C16orf78: variants seen among roughly 807,000 people sequenced by gnomAD.
C16orf78 encodes the protein chromosome 16 open reading frame 78.
In C16orf78, 19 loss-of-function variants were observed where a neutral mutation model predicts 27.3. That is an observed-to-expected ratio of 0.70 (90% CI 0.49 to 1.02). The LOEUF (loss-of-function observed/expected upper bound fraction) is 1.02. Among genes scored for constraint, C16orf78 ranks in the 50% least tolerant of loss-of-function variants. C16orf78 has a pLI of 0.00. For synonymous variants in C16orf78, 130 were observed against 116.1 expected (o/e 1.12, Z -0.77); for missense variants, 339 against 337.0 (o/e 1.01, Z -0.05).
At chr16:49,377,513 C>T (rs1965233938) in intron 1 of C16orf78, among the ~76,000 whole-genome samples, 1 of 152,082 alleles carries the variant, frequency 6.6e-6, no homozygotes, top group Non-Finnish European at 1.5e-5. Context: ...GGAACAGGAC[C>T]AGGCCTGAGG....
chr16:49,380,137 T>G (rs774930596), intron 3 of C16orf78, among the ~76,000 whole-genome samples: 3 of 152,184 alleles, frequency 2.0e-5, no homozygotes, highest in Non-Finnish European at 4.4e-5. Flanking sequence ...GCTCTCGGGC[T>G]TTTGGCCACA....
intron 3 of C16orf78, among the ~76,000 whole-genome samples, chr16:49,389,010 G>T (rs976125274): frequency 6.6e-6 from 1 of 152,104 alleles, no homozygotes; most frequent in African/African-American, 2.4e-5. Context: ...ATATCTTCAC[G>T]TGCGTTTCTA....
chr16:49,387,498 G>A (rs902751641), intron 3 of C16orf78, among the ~76,000 whole-genome samples: 7 of 152,170 alleles, frequency 4.6e-5, no homozygotes, highest in Non-Finnish European at 1.0e-4. Flanking sequence ...GAACTGGCCT[G>A]ACATTTTCTT....
intron 1 of C16orf78, among the ~76,000 whole-genome samples, chr16:49,374,526 G>A (rs929192146): frequency 6.6e-6 from 1 of 152,212 alleles, no homozygotes; most frequent in African/African-American, 2.4e-5. Context: ...CTATCATCAG[G>A]AAGAAACCTG....
intron 3 of C16orf78, among the ~76,000 whole-genome samples, chr16:49,393,254 A>G (rs906324579): frequency 1.3e-5 from 2 of 152,196 alleles, no homozygotes; most frequent in Non-Finnish European, 2.9e-5. Context: ...TTCAGAACCA[A>G]ATAGAAGATC....
chr16:49,386,454 T>A (rs1015709501), intron 3 of C16orf78, among the ~76,000 whole-genome samples: 2 of 152,248 alleles, frequency 1.3e-5, no homozygotes, highest in Non-Finnish European at 2.9e-5. Context: ...CAAGTCATTT[T>A]TTTTTAAGTG....
At chr16:49,384,724 G>T (rs1275170270) in intron 3 of C16orf78, among the ~76,000 whole-genome samples, 1 of 151,990 alleles carries the variant, frequency 6.6e-6, no homozygotes, top group Non-Finnish European at 1.5e-5. Context: ...AACACAAAAA[G>T]GTCTGTACCA....
rs372064943 is a variant in C16orf78, at chr16:49,378,491, A to G, written c.292A>G (p.Lys98Glu). The change falls in exon 3 of 5, where the codon AAG becomes GAG. Residue 98 changes from lysine to glutamate, a missense_variant. Coordinates refer to ENST00000299191, the MANE Select transcript of C16orf78 (RefSeq NM_144602.4). ...SQQALGKRFR[K>E]DAASYRSLYG... ...CAAGGCCTTAGGAAAGAGATTCAGG[A>G]AGGACGCCGCCTCCTACCGAAGCCT... The G allele has an allele frequency of 3.1e-6, 5 of 1,593,356 alleles. No homozygotes were observed. In the African/African-American group the frequency reaches 5.4e-5, roughly 17 times the overall value.
intron 1 of C16orf78, 137 bp downstream of exon 1, chr16:49,374,226 C>A: frequency 9.7e-7 from 1 of 1,031,060 alleles, no homozygotes; most frequent in Non-Finnish European, 1.4e-6. Context: ...TGAGAACTAC[C>A]CAAGGACATT....
intron 3 of C16orf78, among the ~76,000 whole-genome samples, chr16:49,392,468 G>A (rs1049838401): frequency 2.0e-5 from 3 of 152,096 alleles, no homozygotes; most frequent in African/African-American, 7.2e-5. Context: ...AAAAGGAAAA[G>A]CAAAGAAACA....
intron 3 of C16orf78, among the ~76,000 whole-genome samples, chr16:49,384,339 A>C (rs1171507567): frequency 1.4e-5 from 2 of 142,084 alleles, no homozygotes; most frequent in East Asian, 4.1e-4. Flanking sequence ...CAAGAGCAAA[A>C]CTCCATCAAA....
rs546860439 is a variant in C16orf78 at position 49,396,465 on chromosome 16, G to C, written c.437G>C (p.Arg146Pro). 2.5e-6 allele frequency: 4 copies of C among 1,614,126 alleles called. No homozygotes were observed. The highest frequency in any genetic ancestry group is 3.4e-6 in the Non-Finnish European group (4 of 1,180,012). Reference protein sequence around the residue: ...KDAVDPESTQRPNPFRRQSIV... With the variant: ...KDAVDPESTQPPNPFRRQSIV... ...GCAGTCGACCCAGAGTCCACTCAGC[G>C]GCCAAACCCATTCCGTCGACAAAGC... The change falls in exon 4 of 5, where the codon CGG (arginine) becomes CCG (proline). Residue 146 changes from arginine to proline, a missense_variant. Physicochemically the swap from Arg to Pro is moderately radical, Grantham distance 103. Coordinates refer to ENST00000299191, the MANE Select transcript of C16orf78 (RefSeq NM_144602.4).
chr16:49,398,694 G>C (rs1042105865), intron 4 of C16orf78, among the ~76,000 whole-genome samples: 3 of 152,140 alleles, frequency 2.0e-5, no homozygotes, highest in African/African-American at 7.2e-5. Context: ...TCTAACTGTG[G>C]CCTTTTAATT....
intron 3 of C16orf78, among the ~76,000 whole-genome samples, chr16:49,393,564 T>C (rs1965439086): frequency 6.6e-6 from 1 of 152,120 alleles, no homozygotes; most frequent in Non-Finnish European, 1.5e-5. Flanking sequence ...GCCTGTTTCA[T>C]ACCAAAACCT....
intron 2 of C16orf78, among the ~76,000 whole-genome samples, chr16:49,378,142 G>A (rs868724621): frequency 2.0e-5 from 3 of 152,138 alleles, no homozygotes; most frequent in South Asian, 2.1e-4. Flanking sequence ...TGAGAACACC[G>A]TGGTTCAGTG....
At chr16:49,398,586 G>A (rs190398877) in intron 4 of C16orf78, among the ~76,000 whole-genome samples, 71 of 152,272 alleles carry the variant, frequency 4.7e-4, no homozygotes, top group African/African-American at 1.2e-3. Context: ...GTGTATGTGC[G>A]CATGACAGTG....
intron 3 of C16orf78, among the ~76,000 whole-genome samples, chr16:49,392,488 C>T (rs1008218637): frequency 4.6e-5 from 7 of 152,002 alleles, no homozygotes; most frequent in Non-Finnish European, 8.8e-5. Context: ...AACAAGGAAA[C>T]GCAAGTAGAT....
At position 49,396,433 on chromosome 16, in the gene C16orf78, C is replaced by G. The variant is rs1596933959; in HGVS notation, c.405C>G (p.Ile135Met). Reference protein sequence around the residue: ...KDGPKKSDTDIKDAVDPESTQ... With the variant: ...KDGPKKSDTDMKDAVDPESTQ... ...TCTGTCCAATTTCAGATACAGACATCAAGGATGCAGTCGACCCAGAGTCCA... is the reference window on the plus strand; with the variant it reads ...TCTGTCCAATTTCAGATACAGACATGAAGGATGCAGTCGACCCAGAGTCCA... The change falls in exon 4 of 5, where the codon ATC (isoleucine) becomes ATG (methionine). Residue 135 changes from isoleucine to methionine, a missense_variant. Transcript: ENST00000299191. The G allele has an allele frequency of 6.2e-7, 1 of 1,613,986 alleles. No individual in the cohort carries two copies. Among genetic ancestry groups the G allele is most frequent in the African/African-American group, 1.3e-5 (1 of 74,928 alleles).
chr16:49,391,489 A>G (rs1373531050), intron 3 of C16orf78, among the ~76,000 whole-genome samples: 1 of 152,130 alleles, frequency 6.6e-6, no homozygotes, highest in East Asian at 1.9e-4. Flanking sequence ...TTTTGTCCAA[A>G]AGAGTGGCCA....
Sources: gnomAD v4.1 joint callset for allele counts (sites outside exome capture counted in the v4.1 genomes callset) on GRCh38, gnomAD v4.1.1 for gene constraint, MANE v1.5 for transcripts, NCBI Gene and HGNC (gene_info 2026-07-23, HGNC 2026-07-21) for gene names.